Variants in ENAH observed in about 807,000 individuals in gnomAD.
The protein encoded by ENAH is protein enabled homolog.
In ENAH, 23 loss-of-function variants were observed where a neutral mutation model predicts 78.7. That is an observed-to-expected ratio of 0.29 (90% CI 0.21 to 0.41). The LOEUF (loss-of-function observed/expected upper bound fraction) is 0.41, where lower values mean the gene tolerates loss of function less well. Ranked by LOEUF, ENAH falls within the 10% of genes least tolerant of loss-of-function variation. The pLI, the probability that ENAH is intolerant of heterozygous loss-of-function variation, is 1.00. For missense variants in ENAH, 544 were observed against 691.0 expected (o/e 0.79, Z 2.39); for synonymous variants, 226 against 241.0 (o/e 0.94, Z 0.58).
intron 1 of ENAH, among the ~76,000 whole-genome samples, chr1:225,628,581 A>T (rs1321691298): frequency 3.3e-5 from 5 of 152,222 alleles, no homozygotes; most frequent in Non-Finnish European, 7.3e-5. Context: ...ACATATATAA[A>T]TGCACAAAAA....
chr1:225,591,597 T>C (rs2096876372), intron 1 of ENAH, among the ~76,000 whole-genome samples: 1 of 150,280 alleles, frequency 6.7e-6, no homozygotes, highest in Admixed American at 6.6e-5. Flanking sequence ...AAACCCTGTC[T>C]CTACTAAAAA....
At position 225,573,397 on chromosome 1, in the gene ENAH, C is replaced by T. The variant is rs2096773138; in HGVS notation, c.6-5983G>A. 3.9e-5 allele frequency among the ~76,000 whole-genome samples: 6 copies of T among 152,138 alleles called. No individual in the cohort carries two copies. In the South Asian group the frequency reaches 1.2e-3, roughly 32 times the overall value. ...CCAAAGCCAGAACTAATTGCTCCTT[C>T]CTCCGAGTTCTCAGAGTATTCATTA... On this transcript the variant is annotated intron_variant, in intron 1 of 13. Coordinates refer to ENST00000366843, the MANE Select transcript of ENAH (RefSeq NM_018212.6).
intron 1 of ENAH, among the ~76,000 whole-genome samples, chr1:225,611,522 T>C (rs142756596): frequency 6.6e-6 from 1 of 152,262 alleles, no homozygotes; most frequent in East Asian, 1.9e-4. Context: ...TTTCACTATG[T>C]TGGCCAGGCT....
At chr1:225,531,060 G>A (rs1206570210) in intron 3 of ENAH, 2 of 398,688 alleles carry the variant, frequency 5.0e-6, no homozygotes, top group Middle Eastern at 6.2e-4. Flanking sequence ...ATAGAACACT[G>A]GAAATGAAAA....
chr1:225,641,657 CG>C (rs1661086515), intron 1 of ENAH, among the ~76,000 whole-genome samples: 1 of 151,904 alleles, frequency 6.6e-6, no homozygotes, highest in Non-Finnish European at 1.5e-5. Flanking sequence ...GAGGCTGAGG[CG>C]GGCAGATCAC....
chr1:225,549,930 C>T (rs554744), intron 3 of ENAH, among the ~76,000 whole-genome samples: 100,276 of 151,886 alleles, frequency 0.66, 33,417 homozygotes, highest in Middle Eastern at 0.74. Context: ...AACTTGCATG[C>T]TCACCACACT....
chr1:225,543,801 G>C lies in ENAH; in HGVS notation c.349+11105C>G, dbSNP rs369101256. ...ATTTTTTATGTATTAATGAAATAAT[G>C]TCACAATATTTTTCATATATGAAAT... On this transcript the variant is annotated intron_variant, in intron 3 of 13. Transcript: ENST00000366843. 3.3e-5 allele frequency among the ~76,000 whole-genome samples: 5 copies of C among 152,236 alleles called. No individual in the cohort carries two copies. The East Asian group carries it at 7.7e-4, about 23-fold the overall frequency.
chr1:225,642,209 GAAAAA>G (rs1238636547), intron 1 of ENAH, among the ~76,000 whole-genome samples: 1 of 83,304 alleles, frequency 1.2e-5, no homozygotes, highest in Admixed American at 1.3e-4. Context: ...TCCATCTCAG[GAAAAA>G]AAAAAAAAAA....
At chr1:225,520,974 G>C (rs1211444278) in intron 4 of ENAH, among the ~76,000 whole-genome samples, 1 of 113,664 alleles carries the variant, frequency 8.8e-6, no homozygotes, top group Non-Finnish European at 1.8e-5. Context: ...GGGAGGGAGG[G>C]AGACATAAGT....
intron 1 of ENAH, among the ~76,000 whole-genome samples, chr1:225,623,150 G>A (rs1053148615): frequency 1.3e-5 from 2 of 152,190 alleles, no homozygotes; most frequent in African/African-American, 4.8e-5. Flanking sequence ...ACGGATTTAA[G>A]AGATCTCTGA....
chr1:225,650,848 TAAAAAAAAA>T (rs746549168), intron 1 of ENAH, among the ~76,000 whole-genome samples: 44 of 58,938 alleles, frequency 7.5e-4, no homozygotes, highest in African/African-American at 2.6e-3. Context: ...AGACTGCATT[TAAAAAAAAA>T]AAAAAAAAAA....
intron 3 of ENAH, 79 bp downstream of exon 3, chr1:225,554,827 C>T (rs1219862752): frequency 7.9e-7 from 1 of 1,265,000 alleles, no homozygotes; most frequent in Non-Finnish European, 1.1e-6. Flanking sequence ...CACTTCAGTT[C>T]AAGAATACAA....
In ENAH at chr1:225,496,306, CAG is replaced by C. The variant is rs1008336130; in HGVS notation, c.*1467_*1468del. On this transcript the variant is annotated 3_prime_UTR_variant, in exon 14 of 14. Transcript: ENST00000366843. ...GAGCACACACACGCAGAGTGGCAGG[CAG>C]AGTGTCTAATTCCTTCTTCCCACCT... 6.6e-6 allele frequency: 1 copy of C among 152,222 alleles called. No individual in the cohort carries two copies. The highest frequency in any genetic ancestry group is 6.5e-5 in the Admixed American group (1 of 15,274). 9.4% of individuals were successfully genotyped at this position (152,222 alleles called of 1,614,324 possible).
chr1:225,508,122 GTAA>G, intron 10 of ENAH, 105 bp from the exon 11 acceptor site: 1 of 576,762 alleles, frequency 1.7e-6, no homozygotes. Flanking sequence ...TTACATAGTA[GTAA>G]TATAAATAAA....
At chr1:225,645,192 A>G (rs1372263280) in intron 1 of ENAH, among the ~76,000 whole-genome samples, 1 of 152,234 alleles carries the variant, frequency 6.6e-6, no homozygotes, top group East Asian at 1.9e-4. Context: ...CCAAAGTAAT[A>G]AAAATGTCAG....
Position 225,507,899 on chromosome 1 carries a change from TA to T in ENAH, c.1538+51del. ...ATTTTTTTCTACACTAAGAATGCAT[TA>T]ATTTTTTTTTATACAAATAAAATAT... On this transcript the variant is annotated intron_variant, in intron 11 of 13. Coordinates refer to ENST00000366843, the MANE Select transcript of ENAH (RefSeq NM_018212.6). 3.0e-6 allele frequency: 4 copies of T among 1,325,600 alleles called. No homozygotes were observed. In the South Asian group the frequency reaches 5.8e-5, roughly 19 times the overall value. The allele number at this position is 1,325,600 out of a possible 1,614,324, so 82.1% of individuals were successfully genotyped here.
chr1:225,581,950 T>C (rs1406691285), intron 1 of ENAH, among the ~76,000 whole-genome samples: 1 of 151,926 alleles, frequency 6.6e-6, no homozygotes, highest in Non-Finnish European at 1.5e-5. Context: ...TCCTCATCTC[T>C]GGATAAAATT....
chr1:225,653,598 G>A (rs952407712), upstream of ENAH, among the ~76,000 whole-genome samples: 1 of 152,044 alleles, frequency 6.6e-6, no homozygotes, highest in Non-Finnish European at 1.5e-5. This position sits in a 1 kb window ranked among gnomAD's most constrained non-coding sequence, Gnocchi z 4.3. Context: ...CGCCAGACCC[G>A]TAGGCACCGG....
At chr1:225,593,411 G>A (rs1269906282) in intron 1 of ENAH, among the ~76,000 whole-genome samples, 2 of 123,768 alleles carry the variant, frequency 1.6e-5, no homozygotes, top group East Asian at 5.3e-4. Context: ...GGGGGGGGGG[G>A]GGGGGGTGGG....
Sources: gnomAD v4.1 joint callset for allele counts (sites outside exome capture counted in the v4.1 genomes callset) on GRCh38, gnomAD v4.1.1 for gene constraint, Gnocchi (gnomAD v3.1) non-coding constraint, MANE v1.5 for transcripts, NCBI Gene and HGNC (gene_info 2026-07-23, HGNC 2026-07-21) for gene names.